The following PRKD1 variants were observed in gnomAD, a reference collection of about 807,000 sequenced individuals.
PRKD1 encodes the protein serine/threonine-protein kinase D1.
Under a neutral mutation model 95.9 loss-of-function variants are expected in PRKD1, and 63 were observed. The ratio of observed to expected loss-of-function variants is 0.66; its 90% CI spans 0.54 to 0.81. The LOEUF (loss-of-function observed/expected upper bound fraction) is 0.81. Ranked by LOEUF, PRKD1 falls within the 30% of genes least tolerant of loss-of-function variation. The probability of loss-of-function intolerance (pLI) is 0.00; values close to 1 mark genes in which losing one functional copy is unlikely to be tolerated. For synonymous variants in PRKD1, 425 were observed against 423.1 expected, an observed-to-expected ratio of 1.00 and a Z score of -0.05; for missense variants, 1,048 against 1,165.3, an observed-to-expected ratio of 0.90 and a Z score of 1.47.
chr14:29,783,118 G>A (rs1889122100), intron 1 of PRKD1, among the ~76,000 whole-genome samples: 2 of 152,100 alleles, frequency 1.3e-5, no homozygotes, highest in Admixed American at 6.6e-5. Flanking sequence ...CTCTAGCTGT[G>A]TGTTTGTACC....
intron 1 of PRKD1, among the ~76,000 whole-genome samples, chr14:29,824,990 A>G (rs1422527981): frequency 6.6e-6 from 1 of 152,096 alleles, no homozygotes; most frequent in Admixed American, 6.6e-5. Flanking sequence ...TCAATAGAAG[A>G]TCCTTTCAGA....
At chr14:29,924,023 T>C (rs1280391278) in intron 1 of PRKD1, among the ~76,000 whole-genome samples, 2 of 152,096 alleles carry the variant, frequency 1.3e-5, no homozygotes, top group Non-Finnish European at 2.9e-5. Context: ...TTTTTTACCC[T>C]CCTGAAAACA....
At chr14:29,862,789 G>A (rs769291180) in intron 1 of PRKD1, among the ~76,000 whole-genome samples, 1 of 151,954 alleles carries the variant, frequency 6.6e-6, no homozygotes, top group Non-Finnish European at 1.5e-5. Context: ...TGGGTCATTT[G>A]CAAATATTTT....
intron 1 of PRKD1, among the ~76,000 whole-genome samples, chr14:29,833,130 A>G (rs1891478824): frequency 6.6e-6 from 1 of 152,176 alleles, no homozygotes; most frequent in South Asian, 2.1e-4. Context: ...CTTTAAAAAT[A>G]TATCTCAAAA....
At chr14:29,839,497 G>C (rs778143389) in intron 1 of PRKD1, among the ~76,000 whole-genome samples, 12 of 152,158 alleles carry the variant, frequency 7.9e-5, no homozygotes, top group Non-Finnish European at 1.5e-4. Context: ...CACGGTGCAA[G>C]CTGTCAATGG....
chr14:29,606,382 G>A (rs746466549), intron 13 of PRKD1, among the ~76,000 whole-genome samples: 1 of 152,104 alleles, frequency 6.6e-6, no homozygotes, highest in Non-Finnish European at 1.5e-5. Flanking sequence ...CTGATGAGTT[G>A]CAATGATTTC....
chr14:29,838,603 A>G (rs764354955), intron 1 of PRKD1, among the ~76,000 whole-genome samples: 1 of 152,224 alleles, frequency 6.6e-6, no homozygotes. Context: ...AGTTGTCTTC[A>G]TGCCACATTA....
At chr14:29,765,160 T>C (rs561329756) in intron 1 of PRKD1, among the ~76,000 whole-genome samples, 1 of 152,088 alleles carries the variant, frequency 6.6e-6, no homozygotes, top group East Asian at 1.9e-4. Context: ...TCTGAACACA[T>C]ATAACAGACA....
chr14:29,716,515 C>T (rs1372345540), intron 2 of PRKD1, among the ~76,000 whole-genome samples: 1 of 152,146 alleles, frequency 6.6e-6, no homozygotes, highest in Non-Finnish European at 1.5e-5. Flanking sequence ...GATATCAATC[C>T]TCTTTCCTTC....
At position 29,701,507 on chromosome 14, in the gene PRKD1, C is replaced by T. The variant is rs1042106165; in HGVS notation, c.403+24029G>A. 7.2e-5 allele frequency among the ~76,000 whole-genome samples: 11 copies of T among 152,316 alleles called. No homozygotes were observed. In the East Asian group the frequency reaches 1.7e-3, roughly 24 times the overall value. ...TTTTTCACAACGAATATCTTTTCCT[C>T]ATAAATTAGTGCTATTTGGTTATTT... On this transcript the variant is annotated intron_variant, in intron 2 of 17. Coordinates refer to ENST00000331968, the MANE Select transcript of PRKD1 (RefSeq NM_002742.3).
At chr14:29,588,201 GTTAT>G (rs1371626757) in intron 16 of PRKD1, among the ~76,000 whole-genome samples, 1 of 152,176 alleles carries the variant, frequency 6.6e-6, no homozygotes, top group Non-Finnish European at 1.5e-5. Context: ...TTTCAATGGG[GTTAT>G]TTTTTTGTTT....
At chr14:29,685,879 A>G (rs2139282291) in intron 2 of PRKD1, among the ~76,000 whole-genome samples, 1 of 152,294 alleles carries the variant, frequency 6.6e-6, no homozygotes, top group East Asian at 1.9e-4. Context: ...AGTTTTAGAA[A>G]TAGAAACTTT....
At chr14:29,746,823 T>C (rs2139448883) in intron 1 of PRKD1, among the ~76,000 whole-genome samples, 1 of 152,324 alleles carries the variant, frequency 6.6e-6, no homozygotes, top group East Asian at 1.9e-4. Flanking sequence ...TTCTCAGTTA[T>C]AAAATGATTC....
chr14:29,710,890 G>A (rs1885307179), intron 2 of PRKD1, among the ~76,000 whole-genome samples: 1 of 152,088 alleles, frequency 6.6e-6, no homozygotes, highest in African/African-American at 2.4e-5. Context: ...TATCATCTAT[G>A]AAAGACAATC....
intron 1 of PRKD1, among the ~76,000 whole-genome samples, chr14:29,799,501 T>C (rs1379322869): frequency 1.2e-4 from 18 of 152,258 alleles, no homozygotes; most frequent in Admixed American, 1.1e-3. Flanking sequence ...GATTTTCTTC[T>C]AAAAGGCTGC....
At chr14:29,742,311 A>ACTCC (rs760290151) in intron 1 of PRKD1, among the ~76,000 whole-genome samples, 7 of 152,130 alleles carry the variant, frequency 4.6e-5, no homozygotes, top group Non-Finnish European at 1.0e-4. Flanking sequence ...CTTTCCGTTC[A>ACTCC]CTCCCAAGTG....
intron 2 of PRKD1, among the ~76,000 whole-genome samples, chr14:29,671,535 G>T (rs1297616861): frequency 6.6e-6 from 1 of 151,956 alleles, no homozygotes; most frequent in Non-Finnish European, 1.5e-5. Flanking sequence ...AGACAAAATA[G>T]AAAAAGCTAT....
At chr14:29,605,452 T>A (rs1031986979) in intron 13 of PRKD1, among the ~76,000 whole-genome samples, 1 of 152,190 alleles carries the variant, frequency 6.6e-6, no homozygotes, top group Non-Finnish European at 1.5e-5. Context: ...TTTCTATGTT[T>A]TCATACATAC....
chr14:29,590,935 C>T (rs6576294), intron 16 of PRKD1, among the ~76,000 whole-genome samples: 44,903 of 151,968 alleles, frequency 0.3, 8,167 homozygotes, highest in Non-Finnish European at 0.42. Context: ...TGCACCACTA[C>T]GCCTGGCTAA....
Sources: allele counts gnomAD v4.1 joint callset (sites outside exome capture counted in the v4.1 genomes callset), GRCh38; gene constraint gnomAD v4.1.1; transcripts MANE v1.5; gene names NCBI Gene and HGNC (gene_info 2026-07-23, HGNC 2026-07-21).